NDRG2: variants seen among roughly 807,000 people sequenced by gnomAD.
NDRG2 encodes the protein protein NDRG2.
A neutral mutation model predicts 58.2 loss-of-function variants in NDRG2; 34 were observed. The observed-to-expected ratio is 0.58, with a 90% CI of 0.44 to 0.78. NDRG2 has a LOEUF of 0.78. NDRG2 is among the 30% of genes least tolerant of loss of function. The pLI, the probability that NDRG2 is intolerant of heterozygous loss-of-function variation, is 0.00. For missense variants in NDRG2, 434 were observed against 471.2 expected, an observed-to-expected ratio of 0.92 and a Z score of 0.73; for synonymous variants, 187 against 175.9, an observed-to-expected ratio of 1.06 and a Z score of -0.50.
At position 21,057,618 on chromosome 14, in the gene NDRG2, C is replaced by CATATATATATATATATATATATAT. The variant is rs57420807; in HGVS notation, c.24+13209_24+13210insATATATATATATATATATATATAT. On this transcript the variant is annotated intron_variant, in intron 1 of 14. Coordinates refer to the NDRG2 transcript ENST00000403829. ...TAACTTTCCTGAGCCTCATTTTATT[C>CATATATATATATATATATATATAT]ATATATATATATATATATGTGAGAA... 3.5e-3 allele frequency among the ~76,000 whole-genome samples: 424 copies of CATATATATATATATATATATATAT among 122,808 alleles called. 21 individuals carry two copies. Among genetic ancestry groups the CATATATATATATATATATATATAT allele is most frequent in the East Asian group, 0.01 (44 of 4,320 alleles). 80.6% of individuals were successfully genotyped at this position (122,808 alleles called of 152,430 possible).
intron 1 of NDRG2, among the ~76,000 whole-genome samples, chr14:21,047,105 G>A (rs963680912): frequency 3.3e-5 from 5 of 151,826 alleles, no homozygotes; most frequent in Non-Finnish European, 4.4e-5. Context: ...TTATATTATC[G>A]GTCAACTAAT....
At chr14:21,022,302 C>T in intron 4 of NDRG2, 90 bp downstream of exon 4, 1 of 1,576,724 alleles carries the variant, frequency 6.3e-7, no homozygotes, top group East Asian at 2.2e-5. Context: ...CCTTCCCACA[C>T]TGACCCCTCC....
rs549938314 is a variant in NDRG2 at position 21,050,854 on chromosome 14, T to C, written c.24+19974A>G. The stretch of plus-strand genomic sequence containing the variant: ...ATCATGTCTGTAACTTGTTCTGAAA[T>C]AGCTCAGAAATGTTAATAATTGGGG... On this transcript the variant is annotated intron_variant, in intron 1 of 14. Coordinates refer to the NDRG2 transcript ENST00000403829. 2.0e-5 allele frequency among the ~76,000 whole-genome samples: 3 copies of C among 152,308 alleles called. No individual in the cohort carries two copies. The East Asian group carries it at 5.8e-4, about 29-fold the overall frequency.
intron 12 of NDRG2, 59 bp downstream of exon 12, chr14:21,018,704 G>A (rs1878303646): frequency 1.2e-6 from 2 of 1,610,046 alleles, no homozygotes; most frequent in Admixed American, 3.3e-5. Flanking sequence ...ATACTCTTCT[G>A]ACCACCACTT....
At chr14:21,066,345 G>T (rs1886265796) in intron 1 of NDRG2, among the ~76,000 whole-genome samples, 1 of 150,840 alleles carries the variant, frequency 6.6e-6, no homozygotes, top group Non-Finnish European at 1.5e-5. Flanking sequence ...TTTGGAGACG[G>T]AGTCTCACTT....
chr14:21,042,763 C>T (rs1292051067), intron 1 of NDRG2, among the ~76,000 whole-genome samples: 1 of 151,982 alleles, frequency 6.6e-6, no homozygotes, highest in Non-Finnish European at 1.5e-5. Context: ...ATGAAGGGAA[C>T]AGAAATACAA....
chr14:21,025,657 C>T (rs982572932), upstream of NDRG2: 5 of 984,538 alleles, frequency 5.1e-6, no homozygotes, highest in African/African-American at 3.5e-5. This position sits in a 1 kb window ranked among gnomAD's most constrained non-coding sequence, Gnocchi z 5.1. Flanking sequence ...CCGACTCCCT[C>T]GTGCCCAGAG....
upstream of NDRG2, among the ~76,000 whole-genome samples, chr14:21,027,450 G>T (rs1331028164): frequency 6.6e-6 from 1 of 152,152 alleles, no homozygotes. Context: ...TCAAGAGAAG[G>T]TACAAACACA....
At chr14:21,049,730 G>A (rs552830975) in intron 1 of NDRG2, among the ~76,000 whole-genome samples, 1 of 151,048 alleles carries the variant, frequency 6.6e-6, no homozygotes, top group African/African-American at 2.4e-5. Context: ...TTACAAAGTG[G>A]CATTCAATAT....
intron 1 of NDRG2, among the ~76,000 whole-genome samples, chr14:21,051,497 G>C (rs953734012): frequency 6.6e-6 from 1 of 152,180 alleles, no homozygotes; most frequent in Non-Finnish European, 1.5e-5. Context: ...ATATGCCTCA[G>C]CTCTGGTTGG....
intron 1 of NDRG2, among the ~76,000 whole-genome samples, chr14:21,046,615 T>C (rs1268947895): frequency 1.3e-5 from 2 of 151,802 alleles, no homozygotes; most frequent in African/African-American, 2.4e-5. Context: ...GAAAGTACAG[T>C]TGGCTTTTGA....
rs1566476424 is a variant in NDRG2 at position 21,024,738 on chromosome 14, CA to C, written c.-716del. ...GACAGAGGAGACCGGCCGGGCCCAGCACCCGGAACCCGTCCCTACGAGTCCC... is the reference window on the plus strand; with the variant it reads ...GACAGAGGAGACCGGCCGGGCCCAGCCCCGGAACCCGTCCCTACGAGTCCC... On this transcript the variant is annotated 5_prime_UTR_variant, in exon 1 of 16. Coordinates refer to ENST00000556147, the MANE Select transcript of NDRG2 (RefSeq NM_001320329.2). 1.0e-6 allele frequency: 1 copy of C among 985,368 alleles called. No individual in the cohort carries two copies. The highest frequency in any genetic ancestry group is 1.2e-6 in the Non-Finnish European group (1 of 829,988). The allele number at this position is 985,368 out of a possible 1,614,324, so 61.0% of individuals were successfully genotyped here.
chr14:21,042,742 A>T lies in NDRG2; in HGVS notation c.25-19421T>A, dbSNP rs879053432. ...GGGAGAGGACAAAGAGTGACAGGCA[A>T]CAGGGACAGAATGAAGGGAACAGAA... On this transcript the variant is annotated intron_variant, in intron 1 of 14. Transcript: ENST00000403829. Among the ~76,000 whole-genome samples, 8 of 152,296 alleles carry T rather than the reference A, an allele frequency of 5.3e-5. No homozygotes were observed. In the South Asian group the frequency reaches 1.7e-3, roughly 32 times the overall value.
chr14:21,022,818 G>C, intron 3 of NDRG2, 46 bp downstream of exon 3: 2 of 1,596,828 alleles, frequency 1.3e-6, no homozygotes, highest in South Asian at 2.2e-5. Context: ...TACTGGGGAA[G>C]AGGACAGCCC....
chr14:21,058,178 T>C (rs1292206097), intron 1 of NDRG2: 1 of 1,614,038 alleles, frequency 6.2e-7, no homozygotes, highest in South Asian at 1.1e-5. Context: ...CTGTAAAAAC[T>C]GCCACCAGAG....
intron 1 of NDRG2, among the ~76,000 whole-genome samples, chr14:21,053,933 T>C (rs1885572503): frequency 6.6e-6 from 1 of 152,208 alleles, no homozygotes; most frequent in Non-Finnish European, 1.5e-5. Context: ...TTGCCCAAGG[T>C]CATGCAGCTA....
intron 1 of NDRG2, chr14:21,035,865 G>T (rs1419452037): frequency 4.4e-6 from 2 of 456,030 alleles, no homozygotes; most frequent in South Asian, 3.1e-5. Context: ...CCCAGCTACG[G>T]GGAGGCGGTC....
chr14:21,032,793 G>A lies in NDRG2; in HGVS notation c.25-9472C>T. The A allele has an allele frequency of 2.1e-5, 8 of 372,438 alleles. 1 individual carries two copies. The highest frequency in any genetic ancestry group is 1.4e-4 in the South Asian group (7 of 49,196). 23.1% of individuals were successfully genotyped at this position (372,438 alleles called of 1,614,324 possible). A position where few individuals can be genotyped will look rare whatever the true frequency, so the allele number is the denominator to read the frequency against. On this transcript the variant is annotated intron_variant, in intron 1 of 14. Coordinates refer to the NDRG2 transcript ENST00000403829. ...GGAGTTCTGGTGCACTGAAGAAAAA[G>A]CAATTAAATCACAACAGAGTCAGAT... is the stretch of plus-strand genomic sequence containing the variant.
At position 21,019,126 on chromosome 14, in the gene NDRG2, T is replaced by C. The variant is rs79669477; in HGVS notation, c.751A>G (p.Ile251Val). Residue 251 changes from isoleucine to valine, a missense_variant, in exon 11 of 16, where the codon ATC (isoleucine) becomes GTC (valine). Ile to Val is a conservative substitution (Grantham distance 29). Coordinates refer to ENST00000556147, the MANE Select transcript of NDRG2 (RefSeq NM_001320329.2). ...RDLNFERGGDITLRCPVMLVV... is the reference protein window; with the variant it reads ...RDLNFERGGDVTLRCPVMLVV... ...CTCTTAAAGTCTTACCTGAGGGTGA[T>C]ATCACCTCCACGCTCAAAGTTCAGG... 2.5e-6 allele frequency: 4 copies of C among 1,610,884 alleles called. No individual in the cohort carries two copies. The highest frequency in any genetic ancestry group is 2.2e-5 in the East Asian group (1 of 44,820).
Sources: allele counts gnomAD v4.1 joint callset (sites outside exome capture counted in the v4.1 genomes callset), GRCh38; gene constraint gnomAD v4.1.1; non-coding constraint Gnocchi (gnomAD v3.1); transcripts MANE v1.5; gene names NCBI Gene and HGNC (gene_info 2026-07-23, HGNC 2026-07-21).